SGCZ: variants seen among roughly 807,000 people sequenced by gnomAD.
SGCZ encodes zeta-sarcoglycan.
SGCZ carries 40 observed loss-of-function variants against 41.3 expected under a neutral mutation model. The ratio of observed to expected loss-of-function variants is 0.97; its 90% CI spans 0.75 to 1.26. The LOEUF is 1.26. Ranked by LOEUF, SGCZ falls within the 50% of genes most tolerant of loss-of-function variation. The probability of loss-of-function intolerance (pLI) is 0.00; values close to 1 mark genes in which losing one functional copy is unlikely to be tolerated. For synonymous variants in SGCZ, 206 were observed against 137.5 expected, an observed-to-expected ratio of 1.50 and a Z score of -3.49; for missense variants, 552 against 369.8, an observed-to-expected ratio of 1.49 and a Z score of -4.04.
chr8:14,752,131 C>T (rs1326516855), intron 1 of SGCZ, among the ~76,000 whole-genome samples: 1 of 19,964 alleles, frequency 5.0e-5, no homozygotes, highest in Non-Finnish European at 1.0e-4. Context: ...AACAAAAAAG[C>T]CAAAAAAAAA....
chr8:14,702,855 A>AGAT (rs1809201115), intron 1 of SGCZ, among the ~76,000 whole-genome samples: 1 of 148,798 alleles, frequency 6.7e-6, no homozygotes, highest in African/African-American at 2.5e-5. Flanking sequence ...ATAGATAGAT[A>AGAT]GATAGATAGA....
intron 5 of SGCZ, among the ~76,000 whole-genome samples, chr8:14,126,143 C>T (rs1802852230): frequency 6.6e-6 from 1 of 152,162 alleles, no homozygotes; most frequent in South Asian, 2.1e-4. Flanking sequence ...TCTAATTAAA[C>T]TAAAGAGCTT....
chr8:14,407,699 T>C (rs1799249317), intron 2 of SGCZ, among the ~76,000 whole-genome samples: 1 of 152,188 alleles, frequency 6.6e-6, no homozygotes, highest in South Asian at 2.1e-4. Context: ...AGGCTGTCAA[T>C]ATGAATGAGA....
At chr8:14,523,081 G>A (rs181273345) in intron 2 of SGCZ, among the ~76,000 whole-genome samples, 1 of 151,948 alleles carries the variant, frequency 6.6e-6, no homozygotes, top group East Asian at 1.9e-4. Flanking sequence ...TTACCTCCCT[G>A]TATATCCCCT....
intron 1 of SGCZ, among the ~76,000 whole-genome samples, chr8:14,849,697 T>C (rs1298922761): frequency 6.6e-6 from 1 of 152,116 alleles, no homozygotes; most frequent in Non-Finnish European, 1.5e-5. Flanking sequence ...TTGTTGGTAA[T>C]GCATAAGTTC....
intron 1 of SGCZ, among the ~76,000 whole-genome samples, chr8:14,796,399 G>A (rs550990539): frequency 5.3e-5 from 8 of 151,886 alleles, no homozygotes; most frequent in East Asian, 1.9e-4. Flanking sequence ...TATTACAGGT[G>A]TGAGCCAGCA....
intron 1 of SGCZ, among the ~76,000 whole-genome samples, chr8:15,030,757 C>G (rs1048376826): frequency 6.6e-6 from 1 of 152,018 alleles, no homozygotes; most frequent in Non-Finnish European, 1.5e-5. Context: ...TTAAGGACTA[C>G]GGCGGAGGTA....
At chr8:14,652,422 T>C (rs1043862766) in intron 1 of SGCZ, among the ~76,000 whole-genome samples, 3 of 151,722 alleles carry the variant, frequency 2.0e-5, no homozygotes, top group Non-Finnish European at 4.4e-5. Context: ...ACAATTCCTA[T>C]GAAGACAATG....
At chr8:14,607,507 T>C (rs769901582) in intron 1 of SGCZ, among the ~76,000 whole-genome samples, 26 of 152,174 alleles carry the variant, frequency 1.7e-4, no homozygotes, top group Admixed American at 3.3e-4. Context: ...CCTTCCAATA[T>C]GTTACATTGA....
rs1441159731 is a variant in SGCZ at position 14,968,306 on chromosome 8, C to T, written c.39+269279G>A. Among the ~76,000 whole-genome samples the T allele has an allele frequency of 3.3e-5, 5 of 152,066 alleles. No individual in the cohort carries two copies. In the East Asian group the frequency reaches 9.7e-4, roughly 29 times the overall value. On this transcript the variant is annotated intron_variant, in intron 1 of 7. Transcript: ENST00000382080. The stretch of plus-strand genomic sequence containing the variant: ...GGCAGATTGATTAAAATCACTTGAA[C>T]AGACCCTCTGGGAACATCTGAAACC...
intron 1 of SGCZ, among the ~76,000 whole-genome samples, chr8:15,168,572 G>A (rs1168673588): frequency 6.6e-6 from 1 of 152,150 alleles, no homozygotes; most frequent in Admixed American, 6.5e-5. Context: ...ACGGAGAGAA[G>A]ACGCTCTTCC....
At chr8:14,120,594 G>A (rs527638763) in intron 5 of SGCZ, among the ~76,000 whole-genome samples, 1 of 151,862 alleles carries the variant, frequency 6.6e-6, no homozygotes, top group South Asian at 2.1e-4. Flanking sequence ...ATATTGTTTT[G>A]AGGAAAAAAT....
intron 2 of SGCZ, among the ~76,000 whole-genome samples, chr8:14,517,701 T>G (rs909603887): frequency 1.3e-5 from 2 of 151,992 alleles, no homozygotes; most frequent in Admixed American, 6.6e-5. Flanking sequence ...ATACGCATTT[T>G]TAGGGGATAT....
At chr8:14,093,950 T>C (rs895959208) in intron 7 of SGCZ, among the ~76,000 whole-genome samples, 2 of 152,066 alleles carry the variant, frequency 1.3e-5, no homozygotes, top group African/African-American at 4.8e-5. Context: ...GGATAGGGCC[T>C]GTCTTTGGTT....
At position 15,092,969 on chromosome 8, in the gene SGCZ, C is replaced by T. The variant is rs114267604; in HGVS notation, c.39+144616G>A. Reference sequence around the variant, plus strand: ...TGTCTTTTGGAAATTGTTTGCAGATCGCTGGCAGCCACATATGACAAATAC... The same window carrying T: ...TGTCTTTTGGAAATTGTTTGCAGATTGCTGGCAGCCACATATGACAAATAC... On this transcript the variant is annotated intron_variant, in intron 1 of 7. Coordinates refer to ENST00000382080, the MANE Select transcript of SGCZ (RefSeq NM_139167.4). 8.5e-3 allele frequency among the ~76,000 whole-genome samples: 1,289 copies of T among 152,260 alleles called. 18 individuals carry two copies. Among genetic ancestry groups the T allele is most frequent in the African/African-American group, 0.028 (1,154 of 41,548 alleles).
intron 1 of SGCZ, among the ~76,000 whole-genome samples, chr8:14,856,348 C>G (rs1030401019): frequency 6.6e-6 from 1 of 152,154 alleles, no homozygotes; most frequent in South Asian, 2.1e-4. Flanking sequence ...TTTCATCAAC[C>G]TCTAAAGGTT....
At chr8:14,523,403 T>C (rs1302460920) in intron 2 of SGCZ, among the ~76,000 whole-genome samples, 3 of 152,088 alleles carry the variant, frequency 2.0e-5, no homozygotes, top group Non-Finnish European at 4.4e-5. Flanking sequence ...TAAATTTCTC[T>C]ACATTCTTGA....
At chr8:14,766,727 A>ATTTTTTTTTTTTT (rs33955290) in intron 1 of SGCZ, among the ~76,000 whole-genome samples, 3 of 92,804 alleles carry the variant, frequency 3.2e-5, no homozygotes, top group African/African-American at 9.1e-5. Flanking sequence ...ATGTCCAGCT[A>ATTTTTTTTTTTTT]TTTTTTTTTT....
At chr8:14,704,096 G>A (rs972083956) in intron 1 of SGCZ, among the ~76,000 whole-genome samples, 6 of 151,962 alleles carry the variant, frequency 3.9e-5, no homozygotes, top group Admixed American at 1.3e-4. Flanking sequence ...AATCATGTCC[G>A]TTACGACACT....
Sources: allele counts gnomAD v4.1 joint callset (sites outside exome capture counted in the v4.1 genomes callset), GRCh38; gene constraint gnomAD v4.1.1; transcripts MANE v1.5; gene names NCBI Gene and HGNC (gene_info 2026-07-23, HGNC 2026-07-21).